The following LRFN3 variants were observed in gnomAD, a reference collection of about 807,000 sequenced individuals.
The protein encoded by LRFN3 is leucine-rich repeat and fibronectin type-III domain-containing protein 3.
A neutral mutation model predicts 23.8 loss-of-function variants in LRFN3; 8 were observed. That is an observed-to-expected ratio of 0.34 (90% CI 0.20 to 0.61). The LOEUF (loss-of-function observed/expected upper bound fraction) is 0.61. Among genes scored for constraint, LRFN3 ranks in the 20% least tolerant of loss-of-function variants. LRFN3 has a pLI of 0.80. For synonymous variants in LRFN3, 451 were observed against 450.6 expected (o/e 1.00, Z -0.01); for missense variants, 736 against 935.3 (o/e 0.79, Z 2.78).
At position 35,944,707 on chromosome 19, in the gene LRFN3, G is replaced by A. The variant is rs934468710; in HGVS notation, c.1575G>A (p.Arg525=). 5 of 1,604,082 alleles carry A rather than the reference G, an allele frequency of 3.1e-6. No homozygotes were observed. Among genetic ancestry groups the A allele is most frequent in the Non-Finnish European group, 4.3e-6 (5 of 1,176,366 alleles). ...CARFSTEPAL[R]PCGAPHAPFL... ...GCTTCTCCACCGAACCTGCGCTGCG[G>A]CCATGCGGGGCGCCGCACGCTCCCT... The change falls in exon 3 of 3, where the codon CGG becomes CGA. Residue 525 remains arginine (R), a synonymous_variant. Transcript: ENST00000246529. The surrounding 1 kb of genome is among the most constrained non-coding windows in gnomAD (Gnocchi z 4.5).
At position 35,944,557 on chromosome 19, in the gene LRFN3, G is replaced by A. The variant is rs776241540; in HGVS notation, c.1425G>A (p.Pro475=). 39 of 1,460,842 alleles carry A rather than the reference G, an allele frequency of 2.7e-5. No homozygotes were observed. The highest frequency in any genetic ancestry group is 3.1e-5 in the Non-Finnish European group (35 of 1,111,634). 90.5% of individuals were successfully genotyped at this position (1,460,842 alleles called of 1,614,324 possible). A position where few individuals can be genotyped will look rare whatever the true frequency, so the allele number is the denominator to read the frequency against. The change falls in exon 3 of 3, where the codon CCG becomes CCA. Residue 475 remains proline, a synonymous_variant. Transcript: ENST00000246529. This position sits in a 1 kb window ranked among gnomAD's most constrained non-coding sequence, Gnocchi z 4.5. ...ADDILVYRMI[P]AESRSFLLTD... ...CCTGCCTGCCCTGCAGGATGATCCCGGCGGAGAGCCGCTCGTTCCTGCTGA... is the reference window on the plus strand; with the variant it reads ...CCTGCCTGCCCTGCAGGATGATCCCAGCGGAGAGCCGCTCGTTCCTGCTGA...
At chr19:35,940,901 G>C (rs1976113826) in intron 2 of LRFN3, 61 bp downstream of exon 2, 12 of 1,463,576 alleles carry the variant, frequency 8.2e-6, no homozygotes, top group African/African-American at 2.8e-5. Flanking sequence ...GAGGGTTGAG[G>C]GTACACCTAC....
rs146159415 is a variant in LRFN3 at position 35,939,478 on chromosome 19, C to A, written c.53C>A (p.Ser18Tyr). The change falls in exon 2 of 3, where the codon TCC (serine) becomes TAC (tyrosine). Residue 18 changes from serine (S) to tyrosine (Y), a missense_variant. By Grantham distance (144) the Ser-to-Tyr change is moderately radical. Around this residue, in one of 2 missense-constraint regions of LRFN3, gnomAD observed 446 missense variants for 647.9 expected, o/e 0.69. Coordinates refer to ENST00000246529, the MANE Select transcript of LRFN3 (RefSeq NM_024509.2). The surrounding 1 kb of genome is among the most constrained non-coding windows in gnomAD (Gnocchi z 6.4). The part of the protein sequence containing the change: ...LCLLPLAPAS[S>Y]PPQSATPSPC... Reference sequence around the variant, plus strand: ...CTGCTGCCGCTGGCCCCTGCCTCATCCCCACCCCAGTCAGCCACACCCAGC... The same window carrying A: ...CTGCTGCCGCTGGCCCCTGCCTCATACCCACCCCAGTCAGCCACACCCAGC... The A allele has an allele frequency of 1.2e-6, 2 of 1,602,394 alleles. No homozygotes were observed. The highest frequency in any genetic ancestry group is 3.3e-5 in the Admixed American group (2 of 59,828).
At position 35,945,072 on chromosome 19, in the gene LRFN3, G is replaced by A. The variant is rs1170757702; in HGVS notation, c.*53G>A. Reference sequence around the variant, plus strand: ...CTGGCCCCACGGACAGCAGGACCCGGACACCCTGTGGGACCTGGCCTCAAA... The same window carrying A: ...CTGGCCCCACGGACAGCAGGACCCGAACACCCTGTGGGACCTGGCCTCAAA... On this transcript the variant is annotated 3_prime_UTR_variant, in exon 3 of 3. Transcript: ENST00000246529. 2 of 1,115,088 alleles carry A rather than the reference G, an allele frequency of 1.8e-6. No homozygotes were observed. The highest frequency in any genetic ancestry group is 2.4e-6 in the Non-Finnish European group (2 of 840,918). The allele number at this position is 1,115,088 out of a possible 1,614,324, so 69.1% of individuals were successfully genotyped here.
In LRFN3 at chr19:35,944,768, G is replaced by A; in HGVS notation, c.1636G>A (p.Val546Ile). 1 of 1,610,130 alleles carries A rather than the reference G, an allele frequency of 6.2e-7. No homozygotes were observed. The highest frequency in any genetic ancestry group is 8.5e-7 in the Non-Finnish European group (1 of 1,178,672). ...CACGATGATCATCGCGCTGGGCGGC[G>A]TCATCGTAGCCTCGGTACTGGTCTT... Reference protein sequence around the residue: ...GGTMIIALGGVIVASVLVFIF... With the variant: ...GGTMIIALGGIIVASVLVFIF... The change falls in exon 3 of 3, where the codon GTC becomes ATC. Residue 546 changes from valine to isoleucine, a missense_variant. Around this residue, in one of 2 missense-constraint regions of LRFN3, gnomAD observed 290 missense variants for 287.4 expected, o/e 1.01. Transcript: ENST00000246529. This position sits in a 1 kb window ranked among gnomAD's most constrained non-coding sequence, Gnocchi z 4.5.
Position 35,944,843 on chromosome 19 carries a change from G to A in LRFN3, c.1711G>A (p.Gly571Ser), listed in dbSNP as rs373655227. The change falls in exon 3 of 3, where the codon GGC becomes AGC. Residue 571 changes from glycine (G) to serine (S), a missense_variant. Gly to Ser is a moderately conservative substitution (Grantham distance 56). This residue lies in a region of LRFN3 where 290 missense variants were observed against 287.4 expected (regional missense o/e 1.01). Transcript: ENST00000246529. This position sits in a 1 kb window ranked among gnomAD's most constrained non-coding sequence, Gnocchi z 4.5. ...CAAGGTGCACGGCGGCCAGCCCCCC[G>A]GCAAGGCCAAGATTCCCGCGCCTGT... ...RYKVHGGQPP[G>S]KAKIPAPVSS... 3 of 1,604,856 alleles carry A rather than the reference G, an allele frequency of 1.9e-6. No homozygotes were observed. Among genetic ancestry groups the A allele is most frequent in the African/African-American group, 2.7e-5 (2 of 74,836 alleles).
chr19:35,938,801 T>A (rs2145299108), intron 1 of LRFN3, among the ~76,000 whole-genome samples: 1 of 152,298 alleles, frequency 6.6e-6, no homozygotes, highest in South Asian at 2.1e-4. Flanking sequence ...CTGTAACCCC[T>A]TCTCTTCTCT....
rs376082243 is a variant in LRFN3, at chr19:35,940,456, G to T, written c.1031G>T (p.Arg344Leu). ...GRLLGNSSRA[R>L]AFPNGTLELL... ...CTGCTAGGCAACTCAAGCCGTGCCCGCGCCTTCCCCAATGGGACGCTGGAG... is the reference window on the plus strand; with the variant it reads ...CTGCTAGGCAACTCAAGCCGTGCCCTCGCCTTCCCCAATGGGACGCTGGAG... The change falls in exon 2 of 3, where the codon CGC becomes CTC. Residue 344 changes from arginine to leucine, a missense_variant. Transcript: ENST00000246529. The T allele has an allele frequency of 6.2e-7, 1 of 1,607,420 alleles. No homozygotes were observed. The highest frequency in any genetic ancestry group is 8.5e-7 in the Non-Finnish European group (1 of 1,179,014).
In LRFN3 at chr19:35,939,641, C is replaced by T; in HGVS notation, c.216C>T (p.Ala72=). The change falls in exon 2 of 3, where the codon GCC becomes GCT. Residue 72 remains alanine (A), a synonymous_variant. Transcript: ENST00000246529. This position sits in a 1 kb window ranked among gnomAD's most constrained non-coding sequence, Gnocchi z 6.4. The part of the protein sequence containing the change: ...AELRLADNFI[A]SVRRRDLANM... Reference sequence around the variant, plus strand: ...TGCGGCTGGCAGACAACTTCATCGCCTCCGTGCGCCGCCGCGACCTGGCCA... The same window carrying T: ...TGCGGCTGGCAGACAACTTCATCGCTTCCGTGCGCCGCCGCGACCTGGCCA... 1 of 1,608,800 alleles carries T rather than the reference C, an allele frequency of 6.2e-7. No homozygotes were observed. Among genetic ancestry groups the T allele is most frequent in the Non-Finnish European group, 8.5e-7 (1 of 1,179,406 alleles).
In LRFN3 at chr19:35,940,253, T is replaced by A; in HGVS notation, c.828T>A (p.Pro276=). Residue 276 remains proline, a synonymous_variant, in exon 2 of 3, where the codon CCT becomes CCA. Transcript: ENST00000246529. ...EDDLEACASP[P]ALGGRYFWAV... ...ACCTCGAGGCCTGCGCGTCCCCACC[T>A]GCTCTGGGCGGCCGCTACTTCTGGG... The A allele has an allele frequency of 6.2e-7, 1 of 1,605,514 alleles. No homozygotes were observed.
In LRFN3 at chr19:35,940,383, G is replaced by A. The variant is rs1259663817; in HGVS notation, c.958G>A (p.Val320Met). The change falls in exon 2 of 3, where the codon GTG becomes ATG. Residue 320 changes from valine to methionine, a missense_variant. Val to Met is a conservative substitution (Grantham distance 21, BLOSUM62 1). Transcript: ENST00000246529. The part of the protein sequence containing the change: ...GRPAALRCRA[V>M]GDPEPRVRWV... ...GCCGGCTGCCCTGCGCTGCCGGGCA[G>A]TGGGGGACCCAGAGCCCCGTGTGCG... is the stretch of plus-strand genomic sequence containing the variant. The A allele has an allele frequency of 1.3e-6, 2 of 1,573,946 alleles. No homozygotes were observed. Among genetic ancestry groups the A allele is most frequent in the African/African-American group, 1.3e-5 (1 of 74,586 alleles).
chr19:35,940,457 C>T lies in LRFN3; in HGVS notation c.1032C>T (p.Arg344=), dbSNP rs760180583. 9.3e-6 allele frequency: 15 copies of T among 1,607,602 alleles called. No homozygotes were observed. Among genetic ancestry groups the T allele is most frequent in the East Asian group, 6.7e-5 (3 of 44,802 alleles). The change falls in exon 2 of 3, where the codon CGC becomes CGT. Residue 344 remains arginine, a synonymous_variant. Transcript: ENST00000246529. ...TGCTAGGCAACTCAAGCCGTGCCCG[C>T]GCCTTCCCCAATGGGACGCTGGAGC... ...GRLLGNSSRA[R]AFPNGTLELL...
Position 35,939,920 on chromosome 19 carries a change from C to T in LRFN3, c.495C>T (p.Tyr165=), listed in dbSNP as rs1413851309. 5.6e-6 allele frequency: 9 copies of T among 1,604,590 alleles called. No individual in the cohort carries two copies. The highest frequency in any genetic ancestry group is 6.8e-6 in the Non-Finnish European group (8 of 1,179,824). The change falls in exon 2 of 3, where the codon TAC becomes TAT. Residue 165 remains tyrosine, a synonymous_variant. Coordinates refer to ENST00000246529, the MANE Select transcript of LRFN3 (RefSeq NM_024509.2). The surrounding 1 kb of genome is among the most constrained non-coding windows in gnomAD (Gnocchi z 6.4). ...CACTGGAGGACCTCGACCTCTCCTACAACAACCTCGAGCAGCTGCCCTGGG... is the reference window on the plus strand; with the variant it reads ...CACTGGAGGACCTCGACCTCTCCTATAACAACCTCGAGCAGCTGCCCTGGG... ...AETLEDLDLS[Y]NNLEQLPWEA...
chr19:35,938,557 C>T (rs1213844536), intron 1 of LRFN3, among the ~76,000 whole-genome samples: 1 of 152,212 alleles, frequency 6.6e-6, no homozygotes, highest in African/African-American at 2.4e-5. Flanking sequence ...CTGATCATCT[C>T]GAACATCTCT....
intron 1 of LRFN3, among the ~76,000 whole-genome samples, chr19:35,938,858 C>T (rs1433778069): frequency 6.6e-6 from 1 of 152,190 alleles, no homozygotes; most frequent in Non-Finnish European, 1.5e-5. Flanking sequence ...CTGGCTGCCC[C>T]GTCTCCCCAT....
chr19:35,942,136 C>A (rs1976129131), intron 2 of LRFN3, among the ~76,000 whole-genome samples: 1 of 152,210 alleles, frequency 6.6e-6, no homozygotes. Context: ...CCCGCCTCGG[C>A]CTCCCAAAGT....
chr19:35,940,710 C>T lies in LRFN3; in HGVS notation c.1285C>T (p.Arg429Cys). The T allele has an allele frequency of 6.2e-7, 1 of 1,613,476 alleles. No homozygotes were observed. The highest frequency in any genetic ancestry group is 8.5e-7 in the Non-Finnish European group (1 of 1,179,960). ...KVADTGPPTD[R>C]GVQVTEHGAT... ...GGCCGACACTGGGCCCCCTACCGAC[C>T]GTGGCGTCCAGGTGACTGAGCACGG... The change falls in exon 2 of 3, where the codon CGT becomes TGT. Residue 429 changes from arginine to cysteine, a missense_variant. Arg to Cys is a radical substitution (Grantham distance 180). This residue lies in a region of LRFN3 where 446 missense variants were observed against 647.9 expected (regional missense o/e 0.69). Transcript: ENST00000246529.
intron 2 of LRFN3, among the ~76,000 whole-genome samples, chr19:35,942,645 T>C (rs925640656): frequency 1.2e-4 from 18 of 152,136 alleles, no homozygotes; most frequent in African/African-American, 3.9e-4. Flanking sequence ...CCACTTGATT[T>C]CCATTTCAGT....
rs1474223540 is a variant in LRFN3, at chr19:35,940,464, C to A, written c.1039C>A (p.Pro347Thr). 6.2e-7 allele frequency: 1 copy of A among 1,609,434 alleles called. No homozygotes were observed. ...LGNSSRARAF[P>T]NGTLELLVTE... is the part of the protein sequence containing the mutation. ...CAACTCAAGCCGTGCCCGCGCCTTC[C>A]CCAATGGGACGCTGGAGCTGCTGGT... Residue 347 changes from proline to threonine, a missense_variant, in exon 2 of 3, where the codon CCC becomes ACC. Physicochemically the swap from Pro to Thr is conservative, Grantham distance 38. Coordinates refer to ENST00000246529, the MANE Select transcript of LRFN3 (RefSeq NM_024509.2).
Sources: gnomAD v4.1 joint callset for allele counts (sites outside exome capture counted in the v4.1 genomes callset) on GRCh38, gnomAD v4.1.1 for gene constraint, gnomAD v4.1.1 regional missense constraint, Gnocchi (gnomAD v3.1) non-coding constraint, MANE v1.5 for transcripts, NCBI Gene and HGNC (gene_info 2026-07-23, HGNC 2026-07-21) for gene names.